Variants in SLC30A6 observed in about 807,000 individuals in gnomAD.
The protein encoded by SLC30A6 is zinc transporter 6.
SLC30A6 carries 55 observed loss-of-function variants against 63.0 expected under a neutral mutation model. The observed-to-expected ratio is 0.87, with a 90% confidence interval of 0.70 to 1.09. SLC30A6 has a LOEUF of 1.09. Among genes scored for constraint, SLC30A6 ranks in the 50% least tolerant of loss-of-function variants. The pLI is 0.00. For synonymous variants in SLC30A6, 224 were observed against 186.1 expected, an observed-to-expected ratio of 1.20 and a Z score of -1.66; for missense variants, 587 against 549.2, an observed-to-expected ratio of 1.07 and a Z score of -0.69.
chr2:32,182,709 A>G lies in SLC30A6; in HGVS notation c.219-1564A>G, dbSNP rs866998181. 4.1e-4 allele frequency among the ~76,000 whole-genome samples: 62 copies of G among 152,302 alleles called. No homozygotes were observed. The Middle Eastern group carries it at 0.014, about 33-fold the overall frequency. On this transcript the variant is annotated intron_variant, in intron 4 of 13. Coordinates refer to ENST00000282587, the MANE Select transcript of SLC30A6 (RefSeq NM_017964.5). Reference sequence around the variant, plus strand: ...GGATAGAAATACAAATACTACTCCAAATTTTCAAATGTGCATTTCCATCAT... The same window carrying G: ...GGATAGAAATACAAATACTACTCCAGATTTTCAAATGTGCATTTCCATCAT...
chr2:32,218,121 TTA>T (rs1685862612), intron 13 of SLC30A6, among the ~76,000 whole-genome samples: 5 of 152,082 alleles, frequency 3.3e-5, no homozygotes, highest in African/African-American at 1.2e-4. Context: ...ATTATCTACT[TTA>T]AAAACATAAT....
chr2:32,204,319 C>T (rs568749314), intron 10 of SLC30A6, among the ~76,000 whole-genome samples: 14 of 152,134 alleles, frequency 9.2e-5, no homozygotes, highest in South Asian at 4.1e-4. Context: ...AAATGCCTGA[C>T]GGGGAAATGT....
At chr2:32,176,418 G>C (rs941028249) in intron 4 of SLC30A6, among the ~76,000 whole-genome samples, 1 of 152,008 alleles carries the variant, frequency 6.6e-6, no homozygotes, top group Non-Finnish European at 1.5e-5. Context: ...CAGCACTTTG[G>C]GAAGCTGAGG....
At chr2:32,170,062 C>G (rs1199652148) in intron 1 of SLC30A6, among the ~76,000 whole-genome samples, 1 of 151,992 alleles carries the variant, frequency 6.6e-6, no homozygotes, top group Non-Finnish European at 1.5e-5. Context: ...TTTTTTCCCC[C>G]TTAAGGGTAT....
chr2:32,207,868 T>A lies in SLC30A6; in HGVS notation c.816+935T>A, dbSNP rs535913912. Among the ~76,000 whole-genome samples the A allele has an allele frequency of 2.0e-5, 3 of 150,450 alleles. No homozygotes were observed. In the East Asian group the frequency reaches 5.9e-4, roughly 30 times the overall value. On this transcript the variant is annotated intron_variant, in intron 12 of 13. Transcript: ENST00000282587. The stretch of plus-strand genomic sequence containing the variant: ...GGCGCCCACCACATGCCTGGCTAAT[T>A]TTTGTATTTTTAGTAGAGACAGGGT...
intron 12 of SLC30A6, among the ~76,000 whole-genome samples, chr2:32,208,289 C>T (rs1428192275): frequency 6.6e-6 from 1 of 151,864 alleles, no homozygotes; most frequent in Non-Finnish European, 1.5e-5. Flanking sequence ...CACCACCATG[C>T]CTGGCTAATT....
intron 13 of SLC30A6, among the ~76,000 whole-genome samples, chr2:32,215,329 TGA>T (rs1685601607): frequency 6.6e-6 from 1 of 151,526 alleles, no homozygotes; most frequent in Non-Finnish European, 1.5e-5. Context: ...CAAGTAGCTG[TGA>T]CTATAGGCGC....
chr2:32,183,549 A>T (rs930574553), intron 4 of SLC30A6, among the ~76,000 whole-genome samples: 1 of 151,752 alleles, frequency 6.6e-6, no homozygotes, highest in African/African-American at 2.4e-5. Flanking sequence ...TTAGCCGGGC[A>T]TGGTGGTGCA....
intron 3 of SLC30A6, 71 bp downstream of exon 3, chr2:32,174,218 A>G (rs1681500021): frequency 1.1e-5 from 12 of 1,112,724 alleles, no homozygotes; most frequent in South Asian, 1.4e-5. Flanking sequence ...ATAAAGGTAT[A>G]TCTTACATAG....
Position 32,197,781 on chromosome 2 carries a change from C to T in SLC30A6, c.620C>T (p.Ala207Val). The change falls in exon 10 of 14, where the codon GCT becomes GTT. Residue 207 changes from alanine to valine, a missense_variant. By Grantham distance (64) the Ala-to-Val change is moderately conservative. Transcript: ENST00000282587. Reference protein sequence around the residue: ...RMNPFVLIDLAGAFALCITYM... With the variant: ...RMNPFVLIDLVGAFALCITYM... ...AATCCATTTGTTTTGATTGATCTTG[C>T]TGGAGCATTTGCTCTTTGTATTACA... The T allele has an allele frequency of 6.2e-7, 1 of 1,614,038 alleles. No individual in the cohort carries two copies. Among genetic ancestry groups the T allele is most frequent in the East Asian group, 2.2e-5 (1 of 44,868 alleles).
chr2:32,194,792 A>G (rs1168785937), intron 8 of SLC30A6, among the ~76,000 whole-genome samples: 2 of 152,234 alleles, frequency 1.3e-5, no homozygotes, highest in African/African-American at 2.4e-5. Context: ...TTAAAGAAGT[A>G]CTGCATGAAT....
intron 1 of SLC30A6, among the ~76,000 whole-genome samples, chr2:32,169,858 A>G (rs767055645): frequency 2.0e-5 from 3 of 152,250 alleles, no homozygotes; most frequent in South Asian, 2.1e-4. Flanking sequence ...TTTCACATTA[A>G]CAATACAAAG....
intron 4 of SLC30A6, among the ~76,000 whole-genome samples, chr2:32,183,259 A>C (rs1209315860): frequency 6.6e-6 from 1 of 152,120 alleles, no homozygotes. Flanking sequence ...ATAACTGAGA[A>C]TTGAGGAATT....
At chr2:32,202,904 G>A in intron 10 of SLC30A6, 1 of 1,055,654 alleles carries the variant, frequency 9.5e-7, no homozygotes, top group Non-Finnish European at 1.5e-6. Flanking sequence ...TGGCCATCCG[G>A]TGTCATTGGT....
At chr2:32,187,022 A>G (rs1573306488) in intron 5 of SLC30A6, 1 of 359,698 alleles carries the variant, frequency 2.8e-6, no homozygotes, top group Non-Finnish European at 5.5e-6. Context: ...AAAAGAAAGA[A>G]AAAGAAAAAT....
intron 1 of SLC30A6, among the ~76,000 whole-genome samples, chr2:32,166,982 C>CTT (rs527842159): frequency 7.5e-5 from 11 of 146,884 alleles, no homozygotes; most frequent in African/African-American, 1.7e-4. Flanking sequence ...AAATTTTCTC[C>CTT]TTTTTTTTTT....
intron 1 of SLC30A6, among the ~76,000 whole-genome samples, chr2:32,170,441 T>C (rs1002651226): frequency 6.6e-6 from 1 of 152,200 alleles, no homozygotes; most frequent in Non-Finnish European, 1.5e-5. Context: ...TAATCCCCTC[T>C]AGTTGCCACT....
chr2:32,201,746 G>A (rs960206206), intron 10 of SLC30A6: 2 of 1,353,510 alleles, frequency 1.5e-6, no homozygotes, highest in East Asian at 2.4e-5. Context: ...CCCTTATATG[G>A]TTTTTATGAA....
chr2:32,213,228 ACTT>A (rs1400573930), intron 13 of SLC30A6, among the ~76,000 whole-genome samples: 2 of 149,964 alleles, frequency 1.3e-5, no homozygotes, highest in East Asian at 2.0e-4. Context: ...TTTTATCTGA[ACTT>A]CTTCTGTCCT....
Sources: gnomAD v4.1 joint callset for allele counts (sites outside exome capture counted in the v4.1 genomes callset) on GRCh38, gnomAD v4.1.1 for gene constraint, MANE v1.5 for transcripts, NCBI Gene and HGNC (gene_info 2026-07-23, HGNC 2026-07-21) for gene names.